The following PFKFB3 variants were observed in gnomAD, a reference collection of about 807,000 sequenced individuals.
The protein encoded by PFKFB3 is 6-phosphofructo-2-kinase/fructose-2,6-biphosphatase 3, also known as 6-phosphofructo-2-kinase/fructose-2,6-bisphosphatase 3.
PFKFB3 carries 33 observed loss-of-function variants against 68.0 expected under a neutral mutation model. The observed-to-expected ratio is 0.49, with a 90% CI of 0.37 to 0.65. The LOEUF is 0.65. Among genes scored for constraint, PFKFB3 ranks in the 30% least tolerant of loss-of-function variants. The pLI, the probability that PFKFB3 is intolerant of heterozygous loss-of-function variation, is 0.00. For missense variants in PFKFB3, 586 were observed against 712.2 expected, an observed-to-expected ratio of 0.82 and a Z score of 2.02; for synonymous variants, 315 against 288.2, an observed-to-expected ratio of 1.09 and a Z score of -0.94.
intron 1 of PFKFB3, among the ~76,000 whole-genome samples, chr10:6,193,508 C>T (rs1843087759): frequency 6.6e-6 from 1 of 152,242 alleles, no homozygotes; most frequent in Admixed American, 6.5e-5. Flanking sequence ...CAAAGATGAA[C>T]AGCTGTCCCT....
Position 6,216,123 on chromosome 10 carries a change from A to G in PFKFB3, c.300-2A>G. 1 of 1,614,002 alleles carries G rather than the reference A, an allele frequency of 6.2e-7. No homozygotes were observed. The highest frequency in any genetic ancestry group is 8.5e-7 in the Non-Finnish European group (1 of 1,179,894). On this transcript the variant is annotated splice_acceptor_variant, in intron 3 of 14. Coordinates refer to ENST00000379775, the MANE Select transcript of PFKFB3 (RefSeq NM_004566.4). LOFTEE classifies it high-confidence loss of function. ...ATTCGGGCAATGTCTTGTGCATTCC[A>G]GGCAATGTGCCTTAGCTGCCTTGAG...
At chr10:6,270,333 A>C in the PFKFB3 span, among the ~76,000 whole-genome samples, 1 of 152,188 alleles carries the variant, frequency 6.6e-6, no homozygotes, top group African/African-American at 2.4e-5. Flanking sequence ...GAGAAGTATA[A>C]GTTACCTAAT....
chr10:6,260,386 C>T, the PFKFB3 span, among the ~76,000 whole-genome samples: 5 of 146,864 alleles, frequency 3.4e-5, no homozygotes, highest in South Asian at 8.8e-4. Context: ...TGCACTCCAG[C>T]CTGGGCGACA....
In PFKFB3 at chr10:6,220,129, T is replaced by C. The variant is rs1844852551; in HGVS notation, c.623+436T>C. On this transcript the variant is annotated intron_variant, in intron 7 of 14. Transcript: ENST00000379775. This position sits in a 1 kb window ranked among gnomAD's most constrained non-coding sequence, Gnocchi z 4.1. ...CTTGCCTGCTTGCTTAGAGACAGGG[T>C]CTCCCTTTGTCTCCCAGGCTAGAGT... Among the ~76,000 whole-genome samples, 2 of 152,046 alleles carry C rather than the reference T, an allele frequency of 1.3e-5. No homozygotes were observed. The highest frequency in any genetic ancestry group is 4.8e-5 in the African/African-American group (2 of 41,360).
chr10:6,222,878 C>T lies in PFKFB3; in HGVS notation c.1107C>T (p.Arg369=). The part of the protein sequence containing the change: ...TGESYQDLVQ[R]LEPVIMELER... Reference sequence around the variant, plus strand: ...AGTCCTACCAGGACCTGGTCCAGCGCTTGGAGCCAGTGATCATGGAGCTGG... The same window carrying T: ...AGTCCTACCAGGACCTGGTCCAGCGTTTGGAGCCAGTGATCATGGAGCTGG... Residue 369 remains arginine, a synonymous_variant, in exon 11 of 15, where the codon CGC becomes CGT. Transcript: ENST00000379775. 1.2e-6 allele frequency: 2 copies of T among 1,613,906 alleles called. No individual in the cohort carries two copies. Among genetic ancestry groups the T allele is most frequent in the East Asian group, 2.2e-5 (1 of 44,868 alleles).
chr10:6,324,104 C>T, the PFKFB3 span, among the ~76,000 whole-genome samples: 1 of 152,150 alleles, frequency 6.6e-6, no homozygotes, highest in Admixed American at 6.5e-5. Context: ...GTGGTCTGCC[C>T]ATACAATGGA....
intron 2 of PFKFB3, among the ~76,000 whole-genome samples, chr10:6,214,190 G>T (rs538022360): frequency 6.6e-5 from 10 of 152,208 alleles, no homozygotes; most frequent in African/African-American, 2.4e-4. Flanking sequence ...CAGTGAGTGC[G>T]CATTCCTGCC....
rs1844513687 is a variant in PFKFB3, at chr10:6,215,455, GGGTGTAAGGCT to G, written c.299+141_299+151del. On this transcript the variant is annotated intron_variant, in intron 3 of 14. Transcript: ENST00000379775. The surrounding 1 kb of genome is among the most constrained non-coding windows in gnomAD (Gnocchi z 4.3). ...GAATAAGGCTGGGCTGCGGGGCTGC[GGGTGTAAGGCT>G]GGGCTGCGGGCTTGGGCTTGCTTTG... The G allele has an allele frequency of 9.0e-5, 63 of 698,124 alleles. No individual in the cohort carries two copies. Among genetic ancestry groups the G allele is most frequent in the South Asian group, 2.3e-4 (14 of 61,062 alleles). 43.2% of individuals were successfully genotyped at this position (698,124 alleles called of 1,614,324 possible). A position where few individuals can be genotyped will look rare whatever the true frequency, so the allele number is the denominator to read the frequency against.
the PFKFB3 span, among the ~76,000 whole-genome samples, chr10:6,269,171 G>C: frequency 2.6e-5 from 4 of 151,450 alleles, no homozygotes; most frequent in African/African-American, 9.7e-5. Flanking sequence ...TCCCTGAATG[G>C]CGATTCTTCA....
At chr10:6,146,614 A>C in intron 1 of PFKFB3, 1 of 1,063,754 alleles carries the variant, frequency 9.4e-7, no homozygotes, top group Non-Finnish European at 1.3e-6. Context: ...GCTTCTGCCC[A>C]CTTTTGTCGA....
chr10:6,207,683 A>G (rs1189014833), intron 1 of PFKFB3, among the ~76,000 whole-genome samples: 1 of 152,214 alleles, frequency 6.6e-6, no homozygotes, highest in Non-Finnish European at 1.5e-5. Flanking sequence ...TACTATATCA[A>G]TAAGCTGCAT....
the PFKFB3 span, among the ~76,000 whole-genome samples, chr10:6,290,734 C>G: frequency 3.3e-5 from 5 of 152,082 alleles, no homozygotes; most frequent in African/African-American, 1.2e-4. Flanking sequence ...GAACTCCTGA[C>G]CTCAGGTGAT....
At chr10:6,307,670 C>T in the PFKFB3 span, among the ~76,000 whole-genome samples, 3 of 151,542 alleles carry the variant, frequency 2.0e-5, no homozygotes, top group Admixed American at 1.3e-4. Flanking sequence ...TGTATTGTCC[C>T]GATTGAGAAT....
At position 6,249,700 on chromosome 10, in the gene PFKFB3, G is replaced by A. The variant is rs558670955; in HGVS notation, c.1516-4478G>A. Among the ~76,000 whole-genome samples the A allele has an allele frequency of 1.6e-4, 24 of 152,296 alleles. 1 individual carries two copies. In the East Asian group the frequency reaches 4.6e-3, roughly 29 times the overall value. On this transcript the variant is annotated intron_variant, in intron 14 of 14. Transcript: ENST00000640683. ...AGAGGCTGGAGTATGGGAGAAATGG[G>A]TAGCTGATGGTCAAAGGGTACAAAA... is the stretch of plus-strand genomic sequence containing the variant.
chr10:6,313,730 T>C, the PFKFB3 span, among the ~76,000 whole-genome samples: 1 of 152,214 alleles, frequency 6.6e-6, no homozygotes, highest in Admixed American at 6.5e-5. This position sits in a 1 kb window ranked among gnomAD's most constrained non-coding sequence, Gnocchi z 4.2. Context: ...GTGTCTCCAG[T>C]TCCCAGCCTA....
At chr10:6,315,922 A>G in the PFKFB3 span, among the ~76,000 whole-genome samples, 1 of 152,208 alleles carries the variant, frequency 6.6e-6, no homozygotes, top group African/African-American at 2.4e-5. Context: ...TATATTTGAT[A>G]TATTTGATCC....
intron 1 of PFKFB3, among the ~76,000 whole-genome samples, chr10:6,165,041 C>T (rs1054109926): frequency 1.3e-5 from 2 of 151,990 alleles, no homozygotes; most frequent in East Asian, 1.9e-4. Context: ...AGACCCTTTA[C>T]GGGTGTCTGG....
chr10:6,262,797 G>A, the PFKFB3 span, among the ~76,000 whole-genome samples: 2,191 of 152,280 alleles, frequency 0.014, 45 homozygotes, highest in East Asian at 0.099. Context: ...CAAGAGGGTG[G>A]TGTTATCAAA....
At chr10:6,218,347 A>T (rs1033127793) in intron 6 of PFKFB3, among the ~76,000 whole-genome samples, 2 of 150,228 alleles carry the variant, frequency 1.3e-5, no homozygotes, top group African/African-American at 2.4e-5. Flanking sequence ...GTGAACTTAG[A>T]TTTTTTTTTT....
Sources: allele counts gnomAD v4.1 joint callset (sites outside exome capture counted in the v4.1 genomes callset), GRCh38; gene constraint gnomAD v4.1.1; non-coding constraint Gnocchi (gnomAD v3.1); transcripts MANE v1.5; gene names NCBI Gene and HGNC (gene_info 2026-07-23, HGNC 2026-07-21).